EFL1: variants seen among roughly 807,000 people sequenced by gnomAD.
EFL1 encodes the protein elongation factor like GTPase 1.
Under a neutral mutation model 126.7 loss-of-function variants are expected in EFL1, and 76 were observed. That is an observed-to-expected ratio of 0.60 (90% confidence interval 0.50 to 0.73). The LOEUF (loss-of-function observed/expected upper bound fraction) is 0.73. EFL1 is among the 30% of genes least tolerant of loss of function. EFL1 has a pLI of 0.00. For missense variants in EFL1, 1,128 were observed against 1,343.2 expected (o/e 0.84, Z 2.50); for synonymous variants, 410 against 448.4 (o/e 0.91, Z 1.08).
In EFL1 at chr15:82,188,918, C is replaced by CTT. The variant is rs200171867; in HGVS notation, c.1751-24936_1751-24935dup. Among the ~76,000 whole-genome samples the CTT allele has an allele frequency of 1.2e-3, 162 of 133,590 alleles. 2 individuals are homozygous for CTT. The highest frequency in any genetic ancestry group is 0.012 in the South Asian group (51 of 4,260). The allele number at this position is 133,590 out of a possible 152,430, so 87.6% of individuals were successfully genotyped here. A position where few individuals can be genotyped will look rare whatever the true frequency, so the allele number is the denominator to read the frequency against. ...TGCAATGTTAGAGAATGTGTTTATG[C>CTT]TTTTTTTTTTTTTTTTGCTCATGCA... On this transcript the variant is annotated intron_variant, in intron 15 of 19. Coordinates refer to ENST00000268206, the MANE Select transcript of EFL1 (RefSeq NM_024580.6).
chr15:82,182,201 G>A (rs980161231), intron 15 of EFL1, among the ~76,000 whole-genome samples: 21 of 152,214 alleles, frequency 1.4e-4, no homozygotes, highest in Admixed American at 1.0e-3. Flanking sequence ...AGGTTGTAGC[G>A]AGCTGAGATC....
intron 4 of EFL1, among the ~76,000 whole-genome samples, chr15:82,249,478 G>C (rs2075002115): frequency 6.6e-6 from 1 of 151,932 alleles, no homozygotes; most frequent in Admixed American, 6.6e-5. Flanking sequence ...CTATACAGTA[G>C]AAACGACTGC....
chr15:82,243,941 A>G (rs1198960182), intron 4 of EFL1, among the ~76,000 whole-genome samples: 1 of 152,114 alleles, frequency 6.6e-6, no homozygotes, highest in East Asian at 1.9e-4. Context: ...CCAGCCTTGG[A>G]GCTCACATCA....
intron 14 of EFL1, among the ~76,000 whole-genome samples, chr15:82,218,752 A>T (rs1386787070): frequency 6.6e-6 from 1 of 152,236 alleles, no homozygotes; most frequent in African/African-American, 2.4e-5. Flanking sequence ...ATAGCTCAAC[A>T]AGGACTGCTT....
Position 82,148,402 on chromosome 15 carries a change from A to T in EFL1, c.2989+3063T>A, listed in dbSNP as rs2073871986. Among the ~76,000 whole-genome samples the T allele has an allele frequency of 2.0e-5, 3 of 151,888 alleles. No individual in the cohort carries two copies. In the South Asian group the frequency reaches 6.2e-4, roughly 32 times the overall value. On this transcript the variant is annotated intron_variant, in intron 18 of 19. Coordinates refer to ENST00000268206, the MANE Select transcript of EFL1 (RefSeq NM_024580.6). ...CAAAAAAAAAAAAAAAAAAGTTTCA[A>T]ATTTTAGATGATTTGGGATTTTGGA...
intron 18 of EFL1, among the ~76,000 whole-genome samples, chr15:82,150,327 A>G (rs1366595130): frequency 2.6e-5 from 4 of 152,180 alleles, no homozygotes; most frequent in Admixed American, 2.6e-4. Context: ...GTAATTAACC[A>G]CATATTGACT....
intron 15 of EFL1, among the ~76,000 whole-genome samples, chr15:82,210,618 T>C (rs1048763316): frequency 1.3e-5 from 2 of 151,538 alleles, no homozygotes; most frequent in African/African-American, 4.9e-5. Context: ...TCCCAGCACT[T>C]TGAGGGGCAG....
Position 82,138,668 on chromosome 15 carries a change from C to T in EFL1, c.3164G>A (p.Ser1055Asn), listed in dbSNP as rs200449747. ...AACTTGGATTTTTACCTCCCAATGG[C>T]TGAATACTAGTTGTGGGCTGGCCAG... ...SGLASPQLVFSHWEIIPSDPF... is the reference protein window; with the variant it reads ...SGLASPQLVFNHWEIIPSDPF... Residue 1055 changes from serine (S) to asparagine (N), a missense_variant, in exon 19 of 20, where the codon AGC becomes AAC. Physicochemically the swap from Ser to Asn is conservative, Grantham distance 46. This residue lies in a region of EFL1 where 561 missense variants were observed against 641.7 expected (regional missense o/e 0.87). Transcript: ENST00000268206. 7.7e-5 allele frequency: 124 copies of T among 1,613,384 alleles called. No individual in the cohort carries two copies. Among genetic ancestry groups the T allele is most frequent in the Non-Finnish European group, 6.2e-5 (73 of 1,179,702 alleles).
Position 82,228,200 on chromosome 15 carries a change from C to A in EFL1, c.1060G>T (p.Ala354Ser). ...ICSQWLPISH[A>S]VLAMVCQKLP... is the part of the protein sequence containing the mutation. The stretch of plus-strand genomic sequence containing the variant: ...TTAGAATAAAGGATACCAAGAACAG[C>A]ATGGGATATGGGTAGCCACTGACTG... Residue 354 changes from alanine (A) to serine (S), a missense_variant, in exon 10 of 20, where the codon GCT (alanine) becomes TCT (serine). Transcript: ENST00000268206. 1 of 1,611,012 alleles carries A rather than the reference C, an allele frequency of 6.2e-7. No homozygotes were observed. The highest frequency in any genetic ancestry group is 2.2e-5 in the East Asian group (1 of 44,802).
chr15:82,208,598 C>T (rs1381403266), intron 15 of EFL1, among the ~76,000 whole-genome samples: 2 of 151,928 alleles, frequency 1.3e-5, no homozygotes, highest in East Asian at 1.9e-4. Flanking sequence ...GTATGTTGAA[C>T]CTAATAGGGG....
chr15:82,231,726 C>T (rs150536006), intron 7 of EFL1, among the ~76,000 whole-genome samples: 3,063 of 151,512 alleles, frequency 0.02, 35 homozygotes, highest in Non-Finnish European at 0.029. Flanking sequence ...CTAATGCAAT[C>T]GCACAAGAAA....
chr15:82,208,306 T>C (rs542108498), intron 15 of EFL1, among the ~76,000 whole-genome samples: 1 of 152,360 alleles, frequency 6.6e-6, no homozygotes, highest in South Asian at 2.1e-4. Context: ...TTACGTCATA[T>C]ACACATTTCT....
intron 16 of EFL1, 141 bp from the exon 17 acceptor site, chr15:82,158,001 T>G: frequency 3.0e-6 from 3 of 1,003,724 alleles, no homozygotes; most frequent in Non-Finnish European, 2.8e-6. Context: ...GATAGTGTAG[T>G]GATGTGAAGA....
intron 18 of EFL1, among the ~76,000 whole-genome samples, chr15:82,147,876 G>A (rs1342379323): frequency 5.3e-5 from 8 of 152,122 alleles, no homozygotes; most frequent in African/African-American, 1.9e-4. Flanking sequence ...TACCAACTCA[G>A]GTGGATCAGT....
At chr15:82,180,857 T>C (rs1173472118) in intron 15 of EFL1, among the ~76,000 whole-genome samples, 1 of 152,034 alleles carries the variant, frequency 6.6e-6, no homozygotes, top group Non-Finnish European at 1.5e-5. Flanking sequence ...GCCTCCTCAG[T>C]AGCTGGCACT....
chr15:82,141,787 C>A (rs1863962603), intron 18 of EFL1, among the ~76,000 whole-genome samples: 1 of 151,552 alleles, frequency 6.6e-6, no homozygotes, highest in South Asian at 2.1e-4. Flanking sequence ...GAAAGTGGGG[C>A]AAACAGACCA....
intron 15 of EFL1, among the ~76,000 whole-genome samples, chr15:82,187,788 A>C (rs966373347): frequency 1.3e-5 from 2 of 151,796 alleles, no homozygotes; most frequent in African/African-American, 4.8e-5. Context: ...TAGAGGAGGG[A>C]ATATTTGTTA....
intron 3 of EFL1, among the ~76,000 whole-genome samples, chr15:82,254,723 T>C (rs1333229558): frequency 6.6e-6 from 1 of 152,216 alleles, no homozygotes; most frequent in African/African-American, 2.4e-5. Context: ...ATTTATTCAT[T>C]TTTATTACTG....
chr15:82,194,639 C>T (rs903780509), intron 15 of EFL1, among the ~76,000 whole-genome samples: 4 of 152,124 alleles, frequency 2.6e-5, no homozygotes, highest in African/African-American at 7.2e-5. Flanking sequence ...ACTTATCATC[C>T]GAGCTACGAT....
Sources: allele counts gnomAD v4.1 joint callset (sites outside exome capture counted in the v4.1 genomes callset), GRCh38; gene constraint gnomAD v4.1.1; regional missense constraint gnomAD v4.1.1; transcripts MANE v1.5; gene names NCBI Gene and HGNC (gene_info 2026-07-23, HGNC 2026-07-21).